CDH22: variants seen among roughly 807,000 people sequenced by gnomAD.
CDH22 encodes cadherin-22.
In CDH22, 30 loss-of-function variants were observed where a neutral mutation model predicts 58.4. The observed-to-expected ratio is 0.51, with a 90% confidence interval of 0.38 to 0.70. CDH22 has a LOEUF of 0.70. Among genes scored for constraint, CDH22 ranks in the 30% least tolerant of loss-of-function variants. The pLI, the probability that CDH22 is intolerant of heterozygous loss-of-function variation, is 0.00. For synonymous variants in CDH22, 513 were observed against 558.2 expected (o/e 0.92, Z 1.14); for missense variants, 1,014 against 1,233.9 (o/e 0.82, Z 2.67).
intron 1 of CDH22, among the ~76,000 whole-genome samples, chr20:46,287,618 C>T (rs553043504): frequency 7.3e-5 from 11 of 150,120 alleles, no homozygotes; most frequent in South Asian, 2.1e-4. Flanking sequence ...GGAAGAAGGC[C>T]GAGATGAGAC....
intron 3 of CDH22, among the ~76,000 whole-genome samples, chr20:46,232,012 C>T (rs1200749078): frequency 6.6e-6 from 1 of 152,184 alleles, no homozygotes; most frequent in African/African-American, 2.4e-5. Flanking sequence ...TCAGGAGGCA[C>T]CTGGGGCTGT....
rs761346629 is a variant in CDH22 at position 46,216,830 on chromosome 20, C to T, written c.834G>A (p.Pro278=). The T allele has an allele frequency of 1.9e-5, 31 of 1,595,430 alleles. No homozygotes were observed. Among genetic ancestry groups the T allele is most frequent in the Middle Eastern group, 1.7e-4 (1 of 6,040 alleles). ...TDVNDNPPRF[P]QKMYQFSIQE... ...CTCTGGGAAGGCCTCACTCACTCTG[C>T]GGGAAACGGGGCGGGTTGTCATTGA... The change falls in exon 5 of 12, where the codon CCG becomes CCA. Residue 278 remains proline (P), a synonymous_variant. Coordinates refer to ENST00000537909, the MANE Select transcript of CDH22 (RefSeq NM_021248.3). The surrounding 1 kb of genome is among the most constrained non-coding windows in gnomAD (Gnocchi z 5.3).
chr20:46,177,257 T>G (rs931910690), intron 11 of CDH22, among the ~76,000 whole-genome samples: 12 of 152,224 alleles, frequency 7.9e-5, no homozygotes, highest in African/African-American at 2.9e-4. Context: ...CTCAGTGCCC[T>G]TCTTTACTTG....
chr20:46,251,198 G>GCAGCGT lies in CDH22; in HGVS notation c.91_96dup (p.Thr31_Leu32dup). 6.8e-7 allele frequency: 1 copy of GCAGCGT among 1,475,866 alleles called. No individual in the cohort carries two copies. 91.4% of individuals were successfully genotyped at this position (1,475,866 alleles called of 1,614,324 possible). On this transcript the variant is annotated inframe_insertion, in exon 2 of 12. Coordinates refer to ENST00000537909, the MANE Select transcript of CDH22 (RefSeq NM_021248.3). This position sits in a 1 kb window ranked among gnomAD's most constrained non-coding sequence, Gnocchi z 6.7. ...GTGCCCGCTGCCCACAGGCGCCCCA[G>GCAGCGT]CAGCGTCGGCGGCGGCGGCAGCAGC...
chr20:46,181,695 T>C (rs2085785483), intron 10 of CDH22, among the ~76,000 whole-genome samples: 1 of 138,072 alleles, frequency 7.2e-6, no homozygotes, highest in Non-Finnish European at 1.6e-5. Context: ...CCTCTTTCTT[T>C]TCTTTTCTTT....
At position 46,243,423 on chromosome 20, in the gene CDH22, G is replaced by A. The variant is rs532297734; in HGVS notation, c.256-2166C>T. On this transcript the variant is annotated intron_variant, in intron 2 of 11. Coordinates refer to ENST00000537909, the MANE Select transcript of CDH22 (RefSeq NM_021248.3). ...TGGAGGCGTCTGGTGGAAACTTTCCGGGTCCCCATCCTGTTATAGATTGCC... is the reference window on the plus strand; with the variant it reads ...TGGAGGCGTCTGGTGGAAACTTTCCAGGTCCCCATCCTGTTATAGATTGCC... Among the ~76,000 whole-genome samples, 116 of 152,248 alleles carry A rather than the reference G, an allele frequency of 7.6e-4. No homozygotes were observed. The South Asian group carries it at 0.021, about 27-fold the overall frequency.
At chr20:46,226,042 G>T (rs1442060854) in intron 4 of CDH22, among the ~76,000 whole-genome samples, 1 of 151,900 alleles carries the variant, frequency 6.6e-6, no homozygotes, top group East Asian at 1.9e-4. Context: ...AAGCTCCTTA[G>T]CCTGGCTCAC....
At chr20:46,272,308 G>A (rs1005146245) in intron 1 of CDH22, among the ~76,000 whole-genome samples, 1 of 152,156 alleles carries the variant, frequency 6.6e-6, no homozygotes, top group Non-Finnish European at 1.5e-5. Flanking sequence ...GTTCCTTTTT[G>A]GATGTGTTAT....
chr20:46,294,857 A>G (rs1445070795), intron 1 of CDH22, among the ~76,000 whole-genome samples: 1 of 152,188 alleles, frequency 6.6e-6, no homozygotes, highest in Non-Finnish European at 1.5e-5. Context: ...AAGGGCAAGA[A>G]CATATCTGAC....
At chr20:46,226,294 T>TCTTC (rs1021447206) in intron 4 of CDH22, among the ~76,000 whole-genome samples, 3 of 139,008 alleles carry the variant, frequency 2.2e-5, no homozygotes, top group East Asian at 4.2e-4. Context: ...TTCTTCTTCT[T>TCTTC]TTTTTTTTTG....
In CDH22 at chr20:46,308,452, AGC is replaced by A; in HGVS notation, c.-599_-598del. The A allele has an allele frequency of 4.6e-6, 1 of 217,910 alleles. No homozygotes were observed. The highest frequency in any genetic ancestry group is 8.4e-5 in the East Asian group (1 of 11,962). 13.5% of individuals were successfully genotyped at this position (217,910 alleles called of 1,614,324 possible). On this transcript the variant is annotated 5_prime_UTR_variant, in exon 1 of 12. Transcript: ENST00000537909. This position sits in a 1 kb window ranked among gnomAD's most constrained non-coding sequence, Gnocchi z 4.3. ...GAGCGAGAGAGCGAGAGAGCGAGAGAGCGAGGGAGTGAGCGAGCGAGCGGGAG... is the reference window on the plus strand; with the variant it reads ...GAGCGAGAGAGCGAGAGAGCGAGAGAGAGGGAGTGAGCGAGCGAGCGGGAG...
chr20:46,184,627 C>T (rs2085811672), intron 10 of CDH22, among the ~76,000 whole-genome samples: 1 of 152,124 alleles, frequency 6.6e-6, no homozygotes, highest in South Asian at 2.1e-4. Flanking sequence ...GTTGCATTTC[C>T]AGGACCCGGA....
intron 1 of CDH22, among the ~76,000 whole-genome samples, chr20:46,279,633 T>C (rs1432683252): frequency 6.6e-6 from 1 of 152,220 alleles, no homozygotes; most frequent in African/African-American, 2.4e-5. Context: ...AAAAATGGTC[T>C]GCAGTGATAC....
intron 8 of CDH22, among the ~76,000 whole-genome samples, chr20:46,197,960 T>C (rs984000364): frequency 3.3e-5 from 5 of 152,054 alleles, no homozygotes; most frequent in African/African-American, 1.2e-4. Context: ...CCTGGGATCC[T>C]GATGGGCAGA....
chr20:46,293,916 G>A (rs1185550442), intron 1 of CDH22, among the ~76,000 whole-genome samples: 2 of 152,158 alleles, frequency 1.3e-5, no homozygotes, highest in Non-Finnish European at 2.9e-5. Flanking sequence ...TCAGGAGGCT[G>A]AGGCAGGAGA....
intron 1 of CDH22, among the ~76,000 whole-genome samples, chr20:46,260,862 CA>C (rs2086429870): frequency 6.6e-6 from 1 of 152,238 alleles, no homozygotes; most frequent in African/African-American, 2.4e-5. Context: ...TCCTACCTGT[CA>C]TGGGATTTCT....
intron 2 of CDH22, among the ~76,000 whole-genome samples, chr20:46,247,629 G>A (rs2086340375): frequency 6.6e-6 from 1 of 152,100 alleles, no homozygotes; most frequent in South Asian, 2.1e-4. Context: ...TCCATGGGAG[G>A]TCCTGGAACC....
intron 7 of CDH22, among the ~76,000 whole-genome samples, chr20:46,209,436 T>C (rs1779156845): frequency 6.6e-6 from 1 of 152,080 alleles, no homozygotes; most frequent in Admixed American, 6.5e-5. Context: ...CTTGGGCTTT[T>C]ATTCTGAGCC....
chr20:46,286,599 A>G (rs1490678101), intron 1 of CDH22, among the ~76,000 whole-genome samples: 1 of 151,984 alleles, frequency 6.6e-6, no homozygotes, highest in Admixed American at 6.6e-5. Flanking sequence ...CGATCCGCCG[A>G]TCCCCCGAGT....
Sources: allele counts gnomAD v4.1 joint callset (sites outside exome capture counted in the v4.1 genomes callset), GRCh38; gene constraint gnomAD v4.1.1; non-coding constraint Gnocchi (gnomAD v3.1); transcripts MANE v1.5; gene names NCBI Gene and HGNC (gene_info 2026-07-23, HGNC 2026-07-21).